LMOD3: variants seen among roughly 807,000 people sequenced by gnomAD.
LMOD3 encodes the protein leiomodin 3, also known as leiomodin-3.
Under a neutral mutation model 41.8 loss-of-function variants are expected in LMOD3, and 31 were observed. The observed-to-expected ratio is 0.74, with a 90% CI of 0.56 to 1.00. LMOD3 has a LOEUF of 1.00. Among genes scored for constraint, LMOD3 ranks in the 50% least tolerant of loss-of-function variants. LMOD3 has a pLI of 0.00. For missense variants in LMOD3, 755 were observed against 679.5 expected (o/e 1.11, Z -1.23); for synonymous variants, 292 against 241.9 (o/e 1.21, Z -1.92).
chr3:69,107,508 ACT>A lies in LMOD3; in HGVS notation c.*1585_*1586del, dbSNP rs2092328839. Reference sequence around the variant, plus strand: ...TTTTTTTTTTTTGAGATGGAGTATCACTCTGTCACCCAGGCTGGAGTACAGTG... The same window carrying A: ...TTTTTTTTTTTTGAGATGGAGTATCACTGTCACCCAGGCTGGAGTACAGTG... On this transcript the variant is annotated 3_prime_UTR_variant, in exon 3 of 3. Coordinates refer to ENST00000420581, the MANE Select transcript of LMOD3 (RefSeq NM_198271.5). 1 of 89,010 alleles carries A rather than the reference ACT, an allele frequency of 1.1e-5. No individual in the cohort carries two copies. The highest frequency in any genetic ancestry group is 4.2e-5 in the African/African-American group (1 of 23,742). 5.5% of individuals were successfully genotyped at this position (89,010 alleles called of 1,614,324 possible).
intron 2 of LMOD3, among the ~76,000 whole-genome samples, chr3:69,114,274 G>A (rs1225138583): frequency 1.3e-5 from 2 of 152,110 alleles, no homozygotes; most frequent in Non-Finnish European, 2.9e-5. Context: ...TGATACCCAA[G>A]CTAAATAAAG....
In LMOD3 at chr3:69,106,579, G is replaced by A. The variant is rs1325689494; in HGVS notation, c.*2516C>T. Among the ~76,000 whole-genome samples the A allele has an allele frequency of 1.3e-5, 2 of 152,032 alleles. No individual in the cohort carries two copies. The highest frequency in any genetic ancestry group is 6.6e-5 in the Admixed American group (1 of 15,248). On this transcript the variant is annotated 3_prime_UTR_variant, in exon 3 of 3. Coordinates refer to ENST00000420581, the MANE Select transcript of LMOD3 (RefSeq NM_198271.5). ...ATTGAGGCCATAAGCTATGAAATTGGATCATCTTTTCTTCTTGTATATCTA... is the reference window on the plus strand; with the variant it reads ...ATTGAGGCCATAAGCTATGAAATTGAATCATCTTTTCTTCTTGTATATCTA...
chr3:69,109,799 G>C (rs554171187), intron 2 of LMOD3, among the ~76,000 whole-genome samples: 1 of 152,136 alleles, frequency 6.6e-6, no homozygotes, highest in Non-Finnish European at 1.5e-5. Flanking sequence ...AAAGTGCTGA[G>C]ATTACAGGCA....
rs764055688 is a variant in LMOD3, at chr3:69,106,148, A to G, written c.*2947T>C. On this transcript the variant is annotated 3_prime_UTR_variant, in exon 3 of 3. Coordinates refer to ENST00000420581, the MANE Select transcript of LMOD3 (RefSeq NM_198271.5). ...GACGACCCTATAAACAGTGAAGCAA[A>G]CACTTCAGCTGTTTCAAATACTGTT... 7.2e-5 allele frequency: 11 copies of G among 152,236 alleles called. No homozygotes were observed. Among genetic ancestry groups the G allele is most frequent in the Non-Finnish European group, 1.3e-4 (9 of 68,038 alleles). The allele number at this position is 152,236 out of a possible 1,614,324, so 9.4% of individuals were successfully genotyped here.
At chr3:69,109,604 T>C (rs1202991328) in intron 2 of LMOD3, among the ~76,000 whole-genome samples, 1 of 144,466 alleles carries the variant, frequency 6.9e-6, no homozygotes, top group Admixed American at 7.1e-5. Context: ...CTTGGCTCAC[T>C]GCAACCTCCA....
In LMOD3 at chr3:69,108,381, A is replaced by G. The variant is rs1312737499; in HGVS notation, c.*714T>C. 1.3e-5 allele frequency: 2 copies of G among 152,202 alleles called. No individual in the cohort carries two copies. The highest frequency in any genetic ancestry group is 2.9e-5 in the Non-Finnish European group (2 of 68,050). 9.4% of individuals were successfully genotyped at this position (152,202 alleles called of 1,614,324 possible). ...ACTTGCTGCCAGGAAGTTTTCATAT[A>G]TGCAGGGTTTACTTTCCCATTACTT... On this transcript the variant is annotated 3_prime_UTR_variant, in exon 3 of 3. Coordinates refer to ENST00000420581, the MANE Select transcript of LMOD3 (RefSeq NM_198271.5).
chr3:69,118,770 A>G lies in LMOD3; in HGVS notation c.1585T>C (p.Leu529=), dbSNP rs368819551. The change falls in exon 2 of 3, where the codon TTG becomes CTG. Residue 529 remains leucine (L), a synonymous_variant. Coordinates refer to ENST00000420581, the MANE Select transcript of LMOD3 (RefSeq NM_198271.5). ...KPVPRNRPPP[L]VEITPRDQLL... ...TGATCTCTGGGAGTGATTTCCACCA[A>G]TGGGGGTGGCCTGTTTCTCGGCACT... 83 of 1,610,360 alleles carry G rather than the reference A, an allele frequency of 5.2e-5. No homozygotes were observed. The highest frequency in any genetic ancestry group is 4.7e-4 in the East Asian group (21 of 44,754).
chr3:69,122,274 T>A lies in LMOD3; in HGVS notation c.113A>T (p.Glu38Val). Residue 38 changes from glutamate to valine, a missense_variant, in exon 1 of 3, where the codon GAA becomes GTA. Glu to Val is a moderately radical substitution (Grantham distance 121, BLOSUM62 -2). Transcript: ENST00000420581. Reference sequence around the variant, plus strand: ...GGGGTCAGGGGCCATGACTTCCATTTCCGACTGCAGTTCTTTCAGTTCTTC... The same window carrying A: ...GGGGTCAGGGGCCATGACTTCCATTACCGACTGCAGTTCTTTCAGTTCTTC... ...SAEELKELQS[E>V]MEVMAPDPSL... 6.2e-7 allele frequency: 1 copy of A among 1,613,656 alleles called. No individual in the cohort carries two copies. The highest frequency in any genetic ancestry group is 8.5e-7 in the Non-Finnish European group (1 of 1,179,774).
Position 69,107,551 on chromosome 3 carries a change from A to G in LMOD3, c.*1544T>C, listed in dbSNP as rs1337718150. 7.7e-6 allele frequency: 1 copy of G among 130,072 alleles called. No individual in the cohort carries two copies. The highest frequency in any genetic ancestry group is 1.5e-5 in the Non-Finnish European group (1 of 65,524). 8.1% of individuals were successfully genotyped at this position (130,072 alleles called of 1,614,324 possible). On this transcript the variant is annotated 3_prime_UTR_variant, in exon 3 of 3. Coordinates refer to ENST00000420581, the MANE Select transcript of LMOD3 (RefSeq NM_198271.5). Reference sequence around the variant, plus strand: ...GAGTACAGTGACGTGATCTTGTCTCACTGCAACCTCTGCCTCCCCAGTTCA... The same window carrying G: ...GAGTACAGTGACGTGATCTTGTCTCGCTGCAACCTCTGCCTCCCCAGTTCA...
chr3:69,118,164 C>T (rs935494337), intron 2 of LMOD3, among the ~76,000 whole-genome samples: 1 of 152,086 alleles, frequency 6.6e-6, no homozygotes, highest in Admixed American at 6.6e-5. Flanking sequence ...ACTGTAGGTT[C>T]CTAGGGATCT....
chr3:69,110,871 T>TATATATATATATATAC, intron 2 of LMOD3, among the ~76,000 whole-genome samples: 3 of 131,378 alleles, frequency 2.3e-5, no homozygotes, highest in African/African-American at 9.5e-5. Context: ...TATATATATA[T>TATATATATATATATAC]ATATATTTAA....
intron 2 of LMOD3, among the ~76,000 whole-genome samples, chr3:69,113,245 A>C (rs1267851106): frequency 6.6e-6 from 1 of 152,214 alleles, no homozygotes; most frequent in Non-Finnish European, 1.5e-5. Flanking sequence ...AGGCCTAAAA[A>C]TGAGCAGCTT....
intron 2 of LMOD3, among the ~76,000 whole-genome samples, chr3:69,112,973 G>A (rs573014594): frequency 3.9e-5 from 6 of 152,206 alleles, no homozygotes; most frequent in South Asian, 4.1e-4. Context: ...TGGATTATAC[G>A]TGCTCTTGAT....
Position 69,119,988 on chromosome 3 carries a change from G to A in LMOD3, c.367C>T (p.Leu123Phe). The change falls in exon 2 of 3, where the codon CTC becomes TTC. Residue 123 changes from leucine to phenylalanine, a missense_variant. By Grantham distance (22) the Leu-to-Phe change is conservative. Transcript: ENST00000420581. ...TTATTTGCAACTATTTCATTATTGA[G>A]CTTTTCTTTTAAATACTGGGCCATA... is the stretch of plus-strand genomic sequence containing the variant. ...KNMAQYLKEK[L>F]NNEIVANKRE... is the part of the protein sequence containing the mutation. The A allele has an allele frequency of 6.2e-7, 1 of 1,604,156 alleles. No homozygotes were observed.
Position 69,118,860 on chromosome 3 carries a change from T to A in LMOD3, c.1495A>T (p.Met499Leu). 1 of 1,610,508 alleles carries A rather than the reference T, an allele frequency of 6.2e-7. No homozygotes were observed. Among genetic ancestry groups the A allele is most frequent in the Non-Finnish European group, 8.5e-7 (1 of 1,179,150 alleles). ...TCGGGTGGTTCTCTGGCTTCCGGCA[T>A]CCGAGATTTGCGCTGGATTCTCTTC... Reference protein sequence around the residue: ...KLKRIQRKSRMPEAREPPEKT... With the variant: ...KLKRIQRKSRLPEAREPPEKT... The change falls in exon 2 of 3, where the codon ATG (methionine) becomes TTG (leucine). Residue 499 changes from methionine to leucine, a missense_variant. By Grantham distance (15) the Met-to-Leu change is conservative. Transcript: ENST00000420581.
At chr3:69,110,183 G>C (rs1385122649) in intron 2 of LMOD3, among the ~76,000 whole-genome samples, 2 of 151,912 alleles carry the variant, frequency 1.3e-5, no homozygotes, top group African/African-American at 2.4e-5. Context: ...CCAGGAGTTC[G>C]AGACCAGCTT....
chr3:69,120,029 T>C lies in LMOD3; in HGVS notation c.326A>G (p.Glu109Gly), dbSNP rs1389725771. 9 of 1,603,754 alleles carry C rather than the reference T, an allele frequency of 5.6e-6. No homozygotes were observed. The highest frequency in any genetic ancestry group is 7.6e-6 in the Non-Finnish European group (9 of 1,176,806). The change falls in exon 2 of 3, where the codon GAA (glutamate) becomes GGA (glycine). Residue 109 changes from glutamate (E) to glycine (G), a missense_variant. By Grantham distance (98) the Glu-to-Gly change is moderately conservative (BLOSUM62 -2). Coordinates refer to ENST00000420581, the MANE Select transcript of LMOD3 (RefSeq NM_198271.5). ...EKTQEEHEEI[E>G]KRNKNMAQYL... ...CTGGGCCATATTTTTATTACGTTTT[T>C]CTATTTCTTCATGCTCTTCTTGAGT...
At chr3:69,116,031 T>A (rs935547944) in intron 2 of LMOD3, among the ~76,000 whole-genome samples, 2 of 152,186 alleles carry the variant, frequency 1.3e-5, no homozygotes, top group African/African-American at 4.8e-5. Context: ...GTGAGACGGG[T>A]ATGCAAGAAT....
At chr3:69,116,515 T>A (rs1010119415) in intron 2 of LMOD3, among the ~76,000 whole-genome samples, 1 of 152,200 alleles carries the variant, frequency 6.6e-6, no homozygotes, top group African/African-American at 2.4e-5. Context: ...CACTTAAAAT[T>A]GGTAGTAGTT....
Sources: allele counts gnomAD v4.1 joint callset (sites outside exome capture counted in the v4.1 genomes callset), GRCh38; gene constraint gnomAD v4.1.1; transcripts MANE v1.5; gene names NCBI Gene and HGNC (gene_info 2026-07-23, HGNC 2026-07-21).